The following EYS variants were observed in gnomAD, a reference collection of about 807,000 sequenced individuals.
The protein encoded by EYS is protein eyes shut homolog.
Under a neutral mutation model 282.1 loss-of-function variants are expected in EYS, and 250 were observed. The ratio of observed to expected loss-of-function variants is 0.89; its 90% CI spans 0.80 to 0.98. The LOEUF is 0.98. Among genes scored for constraint, EYS ranks in the 50% least tolerant of loss-of-function variants. The pLI is 0.00. For missense variants in EYS, 4,016 were observed against 3,709.0 expected (o/e 1.08, Z -2.15); for synonymous variants, 1,355 against 1,282.9 (o/e 1.06, Z -1.20).
At chr6:65,562,432 A>T (rs1364763548) in intron 2 of EYS, among the ~76,000 whole-genome samples, 1 of 152,032 alleles carries the variant, frequency 6.6e-6, no homozygotes, top group Non-Finnish European at 1.5e-5. Context: ...ATTTGTAGTT[A>T]ACATAAGGAC....
chr6:64,927,338 G>A (rs2150085047), intron 15 of EYS, among the ~76,000 whole-genome samples: 1 of 152,142 alleles, frequency 6.6e-6, no homozygotes, highest in African/African-American at 2.4e-5. Context: ...AAACAACATT[G>A]ATCTGAGAAG....
chr6:63,822,765 C>T (rs1285204256), intron 36 of EYS: 1 of 152,100 alleles, frequency 6.6e-6, no homozygotes, highest in African/African-American at 2.4e-5. Flanking sequence ...TTGCTTGGAC[C>T]TTCTCAAGAA....
At chr6:63,840,235 A>ATTGTTATTG (rs1554181016) in intron 36 of EYS, among the ~76,000 whole-genome samples, 2 of 145,966 alleles carry the variant, frequency 1.4e-5, no homozygotes, top group South Asian at 2.2e-4. Flanking sequence ...TATTATTATT[A>ATTGTTATTG]TTGTATTTTT....
intron 39 of EYS, among the ~76,000 whole-genome samples, chr6:63,779,622 T>G (rs910263909): frequency 6.6e-6 from 1 of 152,146 alleles, no homozygotes; most frequent in African/African-American, 2.4e-5. Flanking sequence ...ATAGTTTATT[T>G]GCAAAGTTCT....
chr6:65,225,286 A>G (rs1369943527), intron 12 of EYS, among the ~76,000 whole-genome samples: 1 of 149,628 alleles, frequency 6.7e-6, no homozygotes, highest in Non-Finnish European at 1.5e-5. Flanking sequence ...AAAATATTTG[A>G]ATCTATAATA....
At chr6:64,253,111 T>A (rs75927961) in intron 30 of EYS, among the ~76,000 whole-genome samples, 1 of 152,100 alleles carries the variant, frequency 6.6e-6, no homozygotes, top group Non-Finnish European at 1.5e-5. Context: ...AGGATACACA[T>A]GGTTTAGCTT....
intron 22 of EYS, among the ~76,000 whole-genome samples, chr6:64,749,332 C>A (rs1454334418): frequency 6.6e-6 from 1 of 152,050 alleles, no homozygotes; most frequent in African/African-American, 2.4e-5. Context: ...TATTTAAGAC[C>A]TTGTTACAAC....
intron 34 of EYS, among the ~76,000 whole-genome samples, chr6:63,997,597 A>G (rs953554867): frequency 2.6e-5 from 4 of 152,060 alleles, no homozygotes; most frequent in African/African-American, 9.7e-5. Flanking sequence ...TATCCAGATT[A>G]TTTTCCATTG....
intron 2 of EYS, among the ~76,000 whole-genome samples, chr6:65,532,191 A>G (rs1767798990): frequency 6.6e-6 from 1 of 152,122 alleles, no homozygotes; most frequent in Non-Finnish European, 1.5e-5. Flanking sequence ...ATATATAATC[A>G]TATGCTTAAC....
intron 14 of EYS, among the ~76,000 whole-genome samples, chr6:64,996,716 A>C (rs1202325094): frequency 6.6e-6 from 1 of 152,200 alleles, no homozygotes. Context: ...TGTGGGAAAA[A>C]ACAGTTTGCC....
chr6:65,217,792 A>C (rs1253224562), intron 12 of EYS, among the ~76,000 whole-genome samples: 1 of 152,074 alleles, frequency 6.6e-6, no homozygotes, highest in African/African-American at 2.4e-5. Context: ...AAATACAGAA[A>C]ATATAGAGTT....
intron 8 of EYS, among the ~76,000 whole-genome samples, chr6:65,370,908 A>T (rs1765118516): frequency 6.6e-6 from 1 of 151,934 alleles, no homozygotes; most frequent in South Asian, 2.1e-4. Context: ...CATAGAGATT[A>T]CATTTCAGCC....
chr6:63,837,256 C>T (rs1415650301), intron 36 of EYS, among the ~76,000 whole-genome samples: 1 of 152,010 alleles, frequency 6.6e-6, no homozygotes, highest in Non-Finnish European at 1.5e-5. Context: ...TTCTAGAGCA[C>T]CCTGGTTAAA....
At chr6:65,593,539 G>C (rs541058949) in intron 2 of EYS, among the ~76,000 whole-genome samples, 1 of 151,976 alleles carries the variant, frequency 6.6e-6, no homozygotes, top group South Asian at 2.1e-4. Context: ...AATTGGATGG[G>C]GCCAGAATGT....
intron 1 of EYS, among the ~76,000 whole-genome samples, chr6:65,681,702 C>T (rs1399218286): frequency 6.6e-6 from 1 of 151,836 alleles, no homozygotes; most frequent in Non-Finnish European, 1.5e-5. Flanking sequence ...GTCCTCTGAC[C>T]AAGACAATTT....
At chr6:65,173,066 G>A (rs891911914) in intron 12 of EYS, among the ~76,000 whole-genome samples, 1 of 151,154 alleles carries the variant, frequency 6.6e-6, no homozygotes, top group Non-Finnish European at 1.5e-5. Context: ...GCTTTATCAA[G>A]AAGATAATAA....
intron 31 of EYS, among the ~76,000 whole-genome samples, chr6:64,121,107 G>A (rs1773574271): frequency 6.6e-6 from 1 of 152,134 alleles, no homozygotes; most frequent in Non-Finnish European, 1.5e-5. Flanking sequence ...ATCTATGGAT[G>A]TTTGCTCTCC....
At chr6:64,671,601 A>G (rs774396672) in intron 22 of EYS, among the ~76,000 whole-genome samples, 4 of 152,176 alleles carry the variant, frequency 2.6e-5, no homozygotes, top group African/African-American at 7.2e-5. Context: ...CAACCTGGTT[A>G]TATTTTGTTT....
chr6:65,555,205 T>C (rs1400124633), intron 2 of EYS, among the ~76,000 whole-genome samples: 1 of 152,110 alleles, frequency 6.6e-6, no homozygotes, highest in African/African-American at 2.4e-5. Context: ...ATCTTTATGG[T>C]ACACTTAAAA....
Sources: allele counts gnomAD v4.1 joint callset (sites outside exome capture counted in the v4.1 genomes callset), GRCh38; gene constraint gnomAD v4.1.1; transcripts MANE v1.5; gene names NCBI Gene and HGNC (gene_info 2026-07-23, HGNC 2026-07-21).